CAPN11: variants seen among roughly 807,000 people sequenced by gnomAD.
CAPN11 encodes calpain-11.
CAPN11 carries 108 observed loss-of-function variants against 105.3 expected under a neutral mutation model. The ratio of observed to expected loss-of-function variants is 1.03; its 90% CI spans 0.88 to 1.20. CAPN11 has a LOEUF of 1.20. Ranked by LOEUF, CAPN11 falls within the 50% of genes most tolerant of loss-of-function variation. The pLI is 0.00. For synonymous variants in CAPN11, 329 were observed against 344.5 expected (o/e 0.96, Z 0.50); for missense variants, 883 against 924.8 (o/e 0.95, Z 0.59).
chr6:44,172,168 G>T, intron 4 of CAPN11, 134 bp from the exon 5 acceptor site: 1 of 572,246 alleles, frequency 1.7e-6, no homozygotes, highest in East Asian at 3.0e-5. Flanking sequence ...AGGGCTGAGG[G>T]AGGGTGCCTC....
chr6:44,160,461 C>CA (rs1188576189), intron 1 of CAPN11, among the ~76,000 whole-genome samples: 3 of 150,724 alleles, frequency 2.0e-5, no homozygotes, highest in African/African-American at 7.3e-5. Flanking sequence ...ACTAAAAATA[C>CA]AAAAAATAAG....
chr6:44,166,658 T>C, intron 1 of CAPN11, 100 bp from the exon 2 acceptor site: 1 of 880,560 alleles, frequency 1.1e-6, no homozygotes, highest in South Asian at 1.5e-5. Flanking sequence ...CCCAGTTCTT[T>C]TCCTCATTCT....
rs752896100 is a variant in CAPN11 at position 44,183,016 on chromosome 6, G to A, written c.2014G>A (p.Ala672Thr). Residue 672 changes from alanine to threonine, a missense_variant, in exon 20 of 23, where the codon GCA becomes ACA. Coordinates refer to ENST00000398776, the MANE Select transcript of CAPN11 (RefSeq NM_007058.4). ...TGAGATGCGCCTGGTTATTGAGAAA[G>A]CAGGTGGCCAAGGGTCAGGAGTGGG... ...SYEMRLVIEK[A>T]GIKLNNKVMQ... 16 of 1,612,190 alleles carry A rather than the reference G, an allele frequency of 9.9e-6. No individual in the cohort carries two copies. Among genetic ancestry groups the A allele is most frequent in the Non-Finnish European group, 1.4e-5 (16 of 1,178,786 alleles).
chr6:44,180,838 TC>T, intron 17 of CAPN11, 33 bp downstream of exon 17: 1 of 1,610,060 alleles, frequency 6.2e-7, no homozygotes, highest in Non-Finnish European at 8.5e-7. Flanking sequence ...ACACGACCCC[TC>T]CCCCATATTT....
chr6:44,177,334 T>C lies in CAPN11; in HGVS notation c.1330T>C (p.Cys444Arg), dbSNP rs1378622208. Reference protein sequence around the residue: ...DAEGNVVVCTCLVALMQKNWR... With the variant: ...DAEGNVVVCTRLVALMQKNWR... Reference sequence around the variant, plus strand: ...AGAGGGCAATGTTGTGGTCTGCACCTGCCTGGTGGCCCTAATGCAGAAGAA... The same window carrying C: ...AGAGGGCAATGTTGTGGTCTGCACCCGCCTGGTGGCCCTAATGCAGAAGAA... Residue 444 changes from cysteine (C) to arginine (R), a missense_variant, in exon 12 of 23, where the codon TGC becomes CGC. Transcript: ENST00000398776. The C allele has an allele frequency of 6.2e-7, 1 of 1,613,986 alleles. No homozygotes were observed. Among genetic ancestry groups the C allele is most frequent in the East Asian group, 2.2e-5 (1 of 44,878 alleles).
Position 44,176,934 on chromosome 6 carries a change from C to A in CAPN11, c.1173C>A (p.His391Gln), listed in dbSNP as rs200571987. ...TLSGDYKSYWHTTFYEGSWRR... is the reference protein window; with the variant it reads ...TLSGDYKSYWQTTFYEGSWRR... ...CTGGGGACTACAAGAGCTACTGGCACACCACCTTCTACGAGGGCAGCTGGC... is the reference window on the plus strand; with the variant it reads ...CTGGGGACTACAAGAGCTACTGGCAAACCACCTTCTACGAGGGCAGCTGGC... The change falls in exon 11 of 23, where the codon CAC becomes CAA. Residue 391 changes from histidine (H) to glutamine (Q), a missense_variant. Physicochemically the swap from His to Gln is conservative, Grantham distance 24. Transcript: ENST00000398776. 27 of 1,613,840 alleles carry A rather than the reference C, an allele frequency of 1.7e-5. No individual in the cohort carries two copies. The highest frequency in any genetic ancestry group is 6.7e-5 in the Admixed American group (4 of 60,010).
intron 1 of CAPN11, among the ~76,000 whole-genome samples, chr6:44,161,292 C>T (rs1159227173): frequency 2.6e-5 from 4 of 152,128 alleles, no homozygotes; most frequent in African/African-American, 7.2e-5. Context: ...CTCCACCTCC[C>T]GGGTTCAAGC....
intron 1 of CAPN11, among the ~76,000 whole-genome samples, chr6:44,164,713 A>G (rs1372635298): frequency 2.0e-5 from 3 of 152,168 alleles, no homozygotes; most frequent in Non-Finnish European, 4.4e-5. Flanking sequence ...AGGCAGAGGC[A>G]CAAGGATGGG....
chr6:44,177,122 G>A, intron 11 of CAPN11, 120 bp from the exon 12 acceptor site: 1 of 1,476,060 alleles, frequency 6.8e-7, no homozygotes, highest in African/African-American at 1.4e-5. Flanking sequence ...GGGTTAGTCA[G>A]ATTTCACAGC....
In CAPN11 at chr6:44,180,467, G is replaced by A; in HGVS notation, c.1648G>A (p.Asp550Asn). ...TTCAATCATTTTGCCCAGGGAATTG[G>A]ATGAAGTCAACTATGCTGAGCAACT... is the stretch of plus-strand genomic sequence containing the variant. ...TEKHSESWEL[D>N]EVNYAEQLQE... The change falls in exon 15 of 23, where the codon GAT becomes AAT. Residue 550 changes from aspartate (D) to asparagine (N), a missense_variant. Asp to Asn is a conservative substitution (Grantham distance 23). Coordinates refer to ENST00000398776, the MANE Select transcript of CAPN11 (RefSeq NM_007058.4). The A allele has an allele frequency of 6.2e-7, 1 of 1,613,760 alleles. No homozygotes were observed. Among genetic ancestry groups the A allele is most frequent in the Non-Finnish European group, 8.5e-7 (1 of 1,179,844 alleles).
intron 10 of CAPN11, 70 bp from the exon 11 acceptor site, chr6:44,176,768 G>A (rs888923773): frequency 6.3e-7 from 1 of 1,587,584 alleles, no homozygotes; most frequent in Non-Finnish European, 8.6e-7. Flanking sequence ...GGTTGTGGGG[G>A]GTGGTTCAGG....
At chr6:44,164,945 A>G (rs924445432) in intron 1 of CAPN11, among the ~76,000 whole-genome samples, 1 of 152,022 alleles carries the variant, frequency 6.6e-6, no homozygotes, top group Non-Finnish European at 1.5e-5. Flanking sequence ...GCTGGGGTGC[A>G]GTGGTGCTCT....
intron 1 of CAPN11, among the ~76,000 whole-genome samples, chr6:44,159,725 A>C (rs577714859): frequency 2.6e-5 from 4 of 152,058 alleles, no homozygotes; most frequent in Admixed American, 6.5e-5. Context: ...ATTACTTATT[A>C]GTATTTATTT....
At position 44,184,213 on chromosome 6, in the gene CAPN11, T is replaced by C. The variant is rs1191986896; in HGVS notation, c.*281T>C. ...TCTCAGAGTATATTTTACTAAAGAG[T>C]AGTTGATGCTTCCCCAGGGTCCCCC... is the stretch of plus-strand genomic sequence containing the variant. On this transcript the variant is annotated 3_prime_UTR_variant, in exon 23 of 23. Coordinates refer to ENST00000398776, the MANE Select transcript of CAPN11 (RefSeq NM_007058.4). 13 of 505,600 alleles carry C rather than the reference T, an allele frequency of 2.6e-5. No homozygotes were observed. The East Asian group carries it at 4.2e-4, about 16-fold the overall frequency. The allele number at this position is 505,600 out of a possible 1,614,324, so 31.3% of individuals were successfully genotyped here.
rs1658348445 is a variant in CAPN11, at chr6:44,179,537, A to G, written c.1417-82A>G. 2.4e-5 allele frequency: 29 copies of G among 1,226,018 alleles called. No individual in the cohort carries two copies. In the South Asian group the frequency reaches 3.5e-4, roughly 15 times the overall value. 75.9% of individuals were successfully genotyped at this position (1,226,018 alleles called of 1,614,324 possible). ...CAACACACACACACAGACACACACT[A>G]TACACATCCCACTTGGCTTCTGAAG... On this transcript the variant is annotated intron_variant, in intron 12 of 22. Transcript: ENST00000398776.
At chr6:44,182,064 A>C (rs1450037246) in intron 19 of CAPN11, among the ~76,000 whole-genome samples, 1 of 7,296 alleles carries the variant, frequency 1.4e-4, no homozygotes, top group Non-Finnish European at 2.4e-4. Flanking sequence ...TACAGACACA[A>C]CCACACCACA....
chr6:44,180,448 C>T lies in CAPN11; in HGVS notation c.1641-12C>T. The T allele has an allele frequency of 6.2e-7, 1 of 1,612,866 alleles. No homozygotes were observed. Among genetic ancestry groups the T allele is most frequent in the Non-Finnish European group, 8.5e-7 (1 of 1,179,292 alleles). On this transcript the variant is annotated splice_polypyrimidine_tract_variant and intron_variant, in intron 14 of 22. Transcript: ENST00000398776. ...CCCTGGTAACTCTTGAGCTTTCAAT[C>T]ATTTTGCCCAGGGAATTGGATGAAG...
In CAPN11 at chr6:44,183,030, G is replaced by A. The variant is rs1438005671; in HGVS notation, c.2017+11G>A. The stretch of plus-strand genomic sequence containing the variant: ...TTATTGAGAAAGCAGGTGGCCAAGG[G>A]TCAGGAGTGGGCCTTGGGGCAGGGA... On this transcript the variant is annotated intron_variant, in intron 20 of 22. Transcript: ENST00000398776. 1 of 1,609,678 alleles carries A rather than the reference G, an allele frequency of 6.2e-7. No homozygotes were observed. Among genetic ancestry groups the A allele is most frequent in the African/African-American group, 1.3e-5 (1 of 74,900 alleles).
Position 44,183,760 on chromosome 6 carries a change from A to G in CAPN11, c.2190A>G (p.Glu730=), listed in dbSNP as rs777121462. Residue 730 remains glutamate (E), a synonymous_variant, in exon 22 of 23, where the codon GAA becomes GAG. Transcript: ENST00000398776. The part of the protein sequence containing the change: ...KNTGHICLSL[E]QWLQMTMWG ...CTGGCCATATTTGCTTGAGCCTGGA[A>G]CAGGTACTTGGAGAAGGGTGGGAAG... 2.5e-6 allele frequency: 4 copies of G among 1,613,716 alleles called. No individual in the cohort carries two copies. Among genetic ancestry groups the G allele is most frequent in the Non-Finnish European group, 3.4e-6 (4 of 1,179,720 alleles).
Sources: gnomAD v4.1 joint callset for allele counts (sites outside exome capture counted in the v4.1 genomes callset) on GRCh38, gnomAD v4.1.1 for gene constraint, MANE v1.5 for transcripts, NCBI Gene and HGNC (gene_info 2026-07-23, HGNC 2026-07-21) for gene names.